The following RORB variants were observed in gnomAD, a reference collection of about 807,000 sequenced individuals.
The protein encoded by RORB is nuclear receptor ROR-beta.
RORB carries 6 observed loss-of-function variants against 59.1 expected under a neutral mutation model. The ratio of observed to expected loss-of-function variants is 0.10; its 90% CI spans 0.06 to 0.20. The LOEUF is 0.20. RORB is among the 10% of genes least tolerant of loss of function. The probability of loss-of-function intolerance (pLI) is 1.00; values close to 1 mark genes in which losing one functional copy is unlikely to be tolerated. For synonymous variants in RORB, 215 were observed against 204.5 expected, an observed-to-expected ratio of 1.05 and a Z score of -0.44; for missense variants, 320 against 560.5, an observed-to-expected ratio of 0.57 and a Z score of 4.33.
At chr9:74,644,949 A>G (rs1823871600) in intron 4 of RORB, among the ~76,000 whole-genome samples, 1 of 152,212 alleles carries the variant, frequency 6.6e-6, no homozygotes, top group Non-Finnish European at 1.5e-5. Flanking sequence ...CTGTGAACTG[A>G]CAGAACTGGA....
intron 1 of RORB, among the ~76,000 whole-genome samples, chr9:74,550,009 G>A (rs1826582357): frequency 1.3e-5 from 2 of 152,142 alleles, no homozygotes; most frequent in Non-Finnish European, 2.9e-5. Context: ...TTACAGGCAT[G>A]AGCCCCTGCG....
At chr9:74,609,374 G>A (rs1045111701) in intron 1 of RORB, among the ~76,000 whole-genome samples, 3 of 152,128 alleles carry the variant, frequency 2.0e-5, no homozygotes, top group Non-Finnish European at 4.4e-5. Flanking sequence ...TTGACCCTAG[G>A]AGGTAATGAG....
At chr9:74,579,265 C>G (rs565771255) in intron 1 of RORB, among the ~76,000 whole-genome samples, 1 of 152,172 alleles carries the variant, frequency 6.6e-6, no homozygotes, top group African/African-American at 2.4e-5. Flanking sequence ...TGGACAGTAG[C>G]AAAACTACTG....
chr9:74,618,051 G>C (rs765722681), intron 1 of RORB, among the ~76,000 whole-genome samples: 1 of 152,048 alleles, frequency 6.6e-6, no homozygotes, highest in Non-Finnish European at 1.5e-5. Flanking sequence ...TGCAGAAATT[G>C]ACAATATATT....
At chr9:74,565,565 G>C (rs922929441) in intron 1 of RORB, among the ~76,000 whole-genome samples, 1 of 152,104 alleles carries the variant, frequency 6.6e-6, no homozygotes, top group Non-Finnish European at 1.5e-5. Context: ...ATAAGTAGAC[G>C]TGTGACCCCT....
chr9:74,675,041 A>C (rs1824413920), intron 9 of RORB, among the ~76,000 whole-genome samples: 1 of 152,178 alleles, frequency 6.6e-6, no homozygotes, highest in Admixed American at 6.5e-5. Context: ...TGACAGAAAA[A>C]AAAATTATTT....
chr9:74,608,313 C>G (rs1487296014), intron 1 of RORB, among the ~76,000 whole-genome samples: 3 of 152,204 alleles, frequency 2.0e-5, no homozygotes, highest in Admixed American at 6.5e-5. Flanking sequence ...CGCCTGTAAT[C>G]CCAGCACTTT....
intron 7 of RORB, among the ~76,000 whole-genome samples, chr9:74,665,824 C>T (rs140084128): frequency 6.6e-6 from 1 of 152,170 alleles, no homozygotes; most frequent in Non-Finnish European, 1.5e-5. Context: ...CTGAGAACAA[C>T]CCTATTGAGA....
chr9:74,511,273 A>T (rs1205328434), intron 1 of RORB, among the ~76,000 whole-genome samples: 1 of 152,164 alleles, frequency 6.6e-6, no homozygotes, highest in Non-Finnish European at 1.5e-5. Context: ...CATCGTCCTG[A>T]CCTCACTAAA....
rs974046071 is a variant in RORB, at chr9:74,690,830, C to T, written c.*5212C>T. The stretch of plus-strand genomic sequence containing the variant: ...TAGTGATGGCTTATAAAAGACACTC[C>T]AACTTGTCTTGCCCAAACTCCCTTC... On this transcript the variant is annotated 3_prime_UTR_variant, in exon 10 of 10. Transcript: ENST00000376896. 8 of 151,970 alleles carry T rather than the reference C, an allele frequency of 5.3e-5. No individual in the cohort carries two copies. The highest frequency in any genetic ancestry group is 1.7e-4 in the African/African-American group (7 of 41,374). The allele number at this position is 151,970 out of a possible 1,614,324, so 9.4% of individuals were successfully genotyped here.
intron 2 of RORB, among the ~76,000 whole-genome samples, chr9:74,633,405 T>A (rs1823651366): frequency 6.6e-6 from 1 of 152,200 alleles, no homozygotes; most frequent in Non-Finnish European, 1.5e-5. Context: ...GCATTGAATC[T>A]ACCATTCCTG....
intron 1 of RORB, among the ~76,000 whole-genome samples, chr9:74,602,931 T>C (rs578257046): frequency 2.0e-5 from 3 of 152,316 alleles, no homozygotes; most frequent in South Asian, 2.1e-4. Context: ...AAGCAACTTG[T>C]TAGCTGGATA....
chr9:74,516,263 A>G (rs569547709), intron 1 of RORB, among the ~76,000 whole-genome samples: 203 of 152,210 alleles, frequency 1.3e-3, no homozygotes, highest in Non-Finnish European at 2.4e-3. Flanking sequence ...AGCCCTCATT[A>G]AGTGGCTTAA....
intron 1 of RORB, among the ~76,000 whole-genome samples, chr9:74,603,205 C>T (rs972384921): frequency 6.6e-6 from 1 of 152,160 alleles, no homozygotes; most frequent in Non-Finnish European, 1.5e-5. Context: ...AGAGAGGATG[C>T]CCAACCTTCA....
At chr9:74,631,705 C>T (rs538369649) in intron 2 of RORB, among the ~76,000 whole-genome samples, 1 of 152,180 alleles carries the variant, frequency 6.6e-6, no homozygotes, top group Non-Finnish European at 1.5e-5. Flanking sequence ...CACTGCTCTA[C>T]TTTAAAGATG....
At chr9:74,623,344 T>C (rs563767069) in intron 1 of RORB, among the ~76,000 whole-genome samples, 1 of 152,170 alleles carries the variant, frequency 6.6e-6, no homozygotes. Context: ...GGAAGCCTGG[T>C]ACACTGGGTG....
intron 1 of RORB, among the ~76,000 whole-genome samples, chr9:74,584,418 G>A (rs1215634272): frequency 6.6e-6 from 1 of 152,134 alleles, no homozygotes; most frequent in Non-Finnish European, 1.5e-5. Context: ...TACTTATAGG[G>A]TTGTTGTGAA....
At chr9:74,674,624 C>T (rs1284303407) in intron 9 of RORB, among the ~76,000 whole-genome samples, 2 of 152,166 alleles carry the variant, frequency 1.3e-5, no homozygotes, top group Non-Finnish European at 2.9e-5. Context: ...GCAGTGCCTT[C>T]TACTTTGGGC....
In RORB at chr9:74,497,902, C is replaced by T; in HGVS notation, c.-75C>T. On this transcript the variant is annotated 5_prime_UTR_variant, in exon 1 of 10. Coordinates refer to ENST00000376896, the MANE Select transcript of RORB (RefSeq NM_006914.4). ...GACCACCTTCTTCACTCGTGCTGAG[C>T]GGGATTTTTGGGCTCTCCGGGGTTC... The T allele has an allele frequency of 3.2e-6, 5 of 1,574,238 alleles. No individual in the cohort carries two copies. The highest frequency in any genetic ancestry group is 4.3e-6 in the Non-Finnish European group (5 of 1,153,244).
Sources: gnomAD v4.1 joint callset for allele counts (sites outside exome capture counted in the v4.1 genomes callset) on GRCh38, gnomAD v4.1.1 for gene constraint, MANE v1.5 for transcripts, NCBI Gene and HGNC (gene_info 2026-07-23, HGNC 2026-07-21) for gene names.